AEN: variants seen among roughly 807,000 people sequenced by gnomAD.
AEN encodes apoptosis-enhancing nuclease.
AEN carries 21 observed loss-of-function variants against 17.7 expected under a neutral mutation model. That is an observed-to-expected ratio of 1.19 (90% confidence interval 0.84 to 1.71). The LOEUF (loss-of-function observed/expected upper bound fraction) is 1.71. AEN is among the 40% of genes most tolerant of loss of function. AEN has a pLI of 0.00. For synonymous variants in AEN, 190 were observed against 173.0 expected, an observed-to-expected ratio of 1.10 and a Z score of -0.77; for missense variants, 462 against 435.9, an observed-to-expected ratio of 1.06 and a Z score of -0.53.
chr15:88,607,881 T>C, the AEN span, among the ~76,000 whole-genome samples: 973 of 152,346 alleles, frequency 6.4e-3, 11 homozygotes, highest in African/African-American at 0.022. Flanking sequence ...CCCATGTTAC[T>C]ATAGAAACTT....
chr15:88,628,221 G>A (rs960946070), intron 2 of AEN: 1 of 152,312 alleles, frequency 6.6e-6, no homozygotes, highest in Admixed American at 6.5e-5. Context: ...GGCTGACTTG[G>A]GGGGAGGGGC....
Position 88,624,831 on chromosome 15 carries a change from C to T in AEN, c.-64-1315C>T, listed in dbSNP as rs138716186. 4.5e-3 allele frequency among the ~76,000 whole-genome samples: 678 copies of T among 151,318 alleles called. 7 individuals are homozygous for T. The highest frequency in any genetic ancestry group is 0.015 in the African/African-American group (619 of 41,244). ...CCGGGAGGCGGAGGTTGCAGTGAGCCGAGATCACGGCACTGCACTCTAGCC... is the reference window on the plus strand; with the variant it reads ...CCGGGAGGCGGAGGTTGCAGTGAGCTGAGATCACGGCACTGCACTCTAGCC... On this transcript the variant is annotated intron_variant, in intron 1 of 3. Transcript: ENST00000332810.
At chr15:88,613,960 A>G in the AEN span, among the ~76,000 whole-genome samples, 1 of 152,178 alleles carries the variant, frequency 6.6e-6, no homozygotes, top group Admixed American at 6.5e-5. Context: ...ATAGGAAAAA[A>G]TGGAAACCAC....
chr15:88,628,965 C>T (rs1274038206), intron 2 of AEN: 4 of 460,718 alleles, frequency 8.7e-6, no homozygotes, highest in Non-Finnish European at 1.6e-5. Flanking sequence ...GTCCTTAGAG[C>T]CACCCCACGG....
rs1437912126 is a variant in AEN at position 88,631,634 on chromosome 15, A to C, written c.*1340A>C. The stretch of plus-strand genomic sequence containing the variant: ...GCCTGGCACATGGTGAGCCACAGCT[A>C]CTGTGAGTTTCTGTTTATCCCCCTT... On this transcript the variant is annotated 3_prime_UTR_variant, in exon 4 of 4. Transcript: ENST00000332810. The C allele has an allele frequency of 6.6e-6, 1 of 152,058 alleles. No individual in the cohort carries two copies. Among genetic ancestry groups the C allele is most frequent in the Non-Finnish European group, 1.5e-5 (1 of 68,338 alleles). 9.4% of individuals were successfully genotyped at this position (152,058 alleles called of 1,614,324 possible).
At chr15:88,612,424 T>C in the AEN span, among the ~76,000 whole-genome samples, 1 of 152,042 alleles carries the variant, frequency 6.6e-6, no homozygotes, top group Non-Finnish European at 1.5e-5. Context: ...GACTTGTGTG[T>C]ATGGAATTTC....
intron 1 of AEN, among the ~76,000 whole-genome samples, chr15:88,622,786 C>T (rs755158938): frequency 6.6e-6 from 1 of 152,188 alleles, no homozygotes; most frequent in South Asian, 2.1e-4. Context: ...GTGCGTGGCG[C>T]CGGGCTGCCT....
At chr15:88,613,854 A>G in the AEN span, among the ~76,000 whole-genome samples, 240 of 152,294 alleles carry the variant, frequency 1.6e-3, 1 homozygote, top group Non-Finnish European at 2.9e-3. Flanking sequence ...TAGCATGGGT[A>G]TATACCCAAT....
At chr15:88,613,172 G>A in the AEN span, among the ~76,000 whole-genome samples, 1 of 152,124 alleles carries the variant, frequency 6.6e-6, no homozygotes, top group Non-Finnish European at 1.5e-5. Context: ...TACCTCTTCC[G>A]GTTGCTAGCT....
chr15:88,619,996 G>A (rs1162749997), upstream of AEN, among the ~76,000 whole-genome samples: 1 of 152,106 alleles, frequency 6.6e-6, no homozygotes, highest in Non-Finnish European at 1.5e-5. Flanking sequence ...CAGATTCACT[G>A]GTAAACTATC....
At chr15:88,623,024 A>G (rs767481832) in intron 1 of AEN, among the ~76,000 whole-genome samples, 17 of 152,026 alleles carry the variant, frequency 1.1e-4, no homozygotes, top group Non-Finnish European at 2.2e-4. Context: ...AAAGCCACCC[A>G]CCCTACTCCT....
At chr15:88,614,079 T>C in the AEN span, among the ~76,000 whole-genome samples, 2 of 152,314 alleles carry the variant, frequency 1.3e-5, no homozygotes, top group South Asian at 2.1e-4. Context: ...TCAATATATA[T>C]TGAAAGAATG....
intron 1 of AEN, among the ~76,000 whole-genome samples, chr15:88,624,955 C>T (rs540796702): frequency 4.1e-4 from 62 of 152,176 alleles, no homozygotes; most frequent in South Asian, 1.7e-3. Flanking sequence ...TAAAAATGTA[C>T]TGACTGACTT....
chr15:88,629,983 A>G (rs2057905431), intron 3 of AEN, 75 bp from the exon 4 acceptor site: 1 of 1,420,538 alleles, frequency 7.0e-7, no homozygotes, highest in Non-Finnish European at 9.9e-7. Context: ...AGCCCTGGGA[A>G]ACTGGCCTTG....
Position 88,631,942 on chromosome 15 carries a change from A to G in AEN, c.*1648A>G, listed in dbSNP as rs1047276. 0.86 allele frequency: 130,824 copies of G among 151,962 alleles called. 57,029 individuals carry two copies. Among genetic ancestry groups the G allele is most frequent in the Middle Eastern group, 0.94 (272 of 290 alleles). The allele number at this position is 151,962 out of a possible 1,614,324, so 9.4% of individuals were successfully genotyped here. A position where few individuals can be genotyped will look rare whatever the true frequency, so the allele number is the denominator to read the frequency against. On this transcript the variant is annotated 3_prime_UTR_variant, in exon 4 of 4. Coordinates refer to ENST00000332810, the MANE Select transcript of AEN (RefSeq NM_022767.4). ...AAAGCAGCGCAGGGGTCAGGGAGGTACAGACACTGCTGAAATCACACTACC... is the reference window on the plus strand; with the variant it reads ...AAAGCAGCGCAGGGGTCAGGGAGGTGCAGACACTGCTGAAATCACACTACC...
At chr15:88,618,756 T>C (rs1412806309), upstream of AEN, among the ~76,000 whole-genome samples, 2 of 152,232 alleles carry the variant, frequency 1.3e-5, no homozygotes, top group Non-Finnish European at 2.9e-5. Context: ...CTCCCACTTC[T>C]TTTAAATTCC....
chr15:88,617,001 G>A (rs1399634000), upstream of AEN, among the ~76,000 whole-genome samples: 4 of 152,206 alleles, frequency 2.6e-5, no homozygotes, highest in Non-Finnish European at 5.9e-5. Context: ...CAGAGCATCT[G>A]TTAATATGGA....
chr15:88,626,604 G>T lies in AEN; in HGVS notation c.395G>T (p.Cys132Phe). The T allele has an allele frequency of 6.2e-7, 1 of 1,614,102 alleles. No homozygotes were observed. The change falls in exon 2 of 4, where the codon TGT becomes TTT. Residue 132 changes from cysteine (C) to phenylalanine (F), a missense_variant. By Grantham distance (205) the Cys-to-Phe change is radical. Transcript: ENST00000332810. ...PRGRVSELAR[C>F]SIVSYHGNVL... Reference sequence around the variant, plus strand: ...GGGCGGGTAAGCGAGCTGGCCCGCTGTTCCATTGTGAGCTACCATGGCAAT... The same window carrying T: ...GGGCGGGTAAGCGAGCTGGCCCGCTTTTCCATTGTGAGCTACCATGGCAAT...
At chr15:88,628,946 C>A (rs765251093) in intron 2 of AEN, 14 of 380,310 alleles carry the variant, frequency 3.7e-5, no homozygotes, top group Non-Finnish European at 6.8e-5. Context: ...CCATCCATGA[C>A]CTCGTTTAGT....
Sources: allele counts gnomAD v4.1 joint callset (sites outside exome capture counted in the v4.1 genomes callset), GRCh38; gene constraint gnomAD v4.1.1; transcripts MANE v1.5; gene names NCBI Gene and HGNC (gene_info 2026-07-23, HGNC 2026-07-21).